COBL: variants seen among roughly 807,000 people sequenced by gnomAD.
The protein encoded by COBL is cordon-bleu WH2 repeat protein.
Under a neutral mutation model 98.8 loss-of-function variants are expected in COBL, and 51 were observed. The observed-to-expected ratio is 0.52, with a 90% CI of 0.41 to 0.65. The LOEUF (loss-of-function observed/expected upper bound fraction) is 0.65. Ranked by LOEUF, COBL falls within the 30% of genes least tolerant of loss-of-function variation. The pLI, the probability that COBL is intolerant of heterozygous loss-of-function variation, is 0.00. For missense variants in COBL, 1,617 were observed against 1,617.5 expected, an observed-to-expected ratio of 1.00 and a Z score of 0.01; for synonymous variants, 634 against 651.7, an observed-to-expected ratio of 0.97 and a Z score of 0.41.
chr7:51,214,197 C>A (rs1236478742), intron 2 of COBL, among the ~76,000 whole-genome samples: 2 of 151,854 alleles, frequency 1.3e-5, no homozygotes, highest in Non-Finnish European at 2.9e-5. Flanking sequence ...ACCTCGGAGG[C>A]AGAGGTTGCA....
At chr7:51,308,263 G>A (rs140555448) in intron 1 of COBL, among the ~76,000 whole-genome samples, 1 of 152,214 alleles carries the variant, frequency 6.6e-6, no homozygotes, top group East Asian at 1.9e-4. Flanking sequence ...TATACACTTC[G>A]GCTGCATTAA....
chr7:51,099,907 G>A (rs1030927863), intron 6 of COBL, among the ~76,000 whole-genome samples: 2 of 152,060 alleles, frequency 1.3e-5, no homozygotes, highest in Non-Finnish European at 2.9e-5. Context: ...GTTCTAACTT[G>A]TAAGACTTTT....
intron 5 of COBL, among the ~76,000 whole-genome samples, chr7:51,147,479 G>A (rs1385169891): frequency 6.6e-6 from 1 of 152,182 alleles, no homozygotes; most frequent in African/African-American, 2.4e-5. Context: ...CCTTACTGCT[G>A]TATCTGGTTT....
intron 7 of COBL, among the ~76,000 whole-genome samples, chr7:51,083,762 T>G (rs1484609784): frequency 6.6e-6 from 1 of 152,136 alleles, no homozygotes; most frequent in African/African-American, 2.4e-5. Flanking sequence ...CAAGTTTGTT[T>G]TGAAGAATGT....
intron 1 of COBL, among the ~76,000 whole-genome samples, chr7:51,228,234 C>G (rs1191875818): frequency 5.3e-5 from 8 of 152,016 alleles, no homozygotes; most frequent in Non-Finnish European, 7.4e-5. Flanking sequence ...TCCCCAAGAG[C>G]TGAACAGAGA....
At chr7:51,191,878 A>C (rs1790149412) in intron 3 of COBL, among the ~76,000 whole-genome samples, 2 of 152,170 alleles carry the variant, frequency 1.3e-5, no homozygotes, top group South Asian at 4.1e-4. Flanking sequence ...TGAACAAAAG[A>C]GCAGCAAAGG....
At chr7:51,118,480 TA>T (rs1483681419) in intron 6 of COBL, among the ~76,000 whole-genome samples, 5 of 152,034 alleles carry the variant, frequency 3.3e-5, no homozygotes, top group Admixed American at 3.3e-4. Flanking sequence ...CCTCGCATCC[TA>T]GGGGCCACCT....
intron 7 of COBL, among the ~76,000 whole-genome samples, chr7:51,076,211 G>C (rs1793058455): frequency 6.6e-6 from 1 of 152,238 alleles, no homozygotes; most frequent in African/African-American, 2.4e-5. Flanking sequence ...TGTGTCACAA[G>C]CTTTAGAACT....
At chr7:51,243,462 C>A (rs1311629782) in intron 1 of COBL, among the ~76,000 whole-genome samples, 1 of 152,174 alleles carries the variant, frequency 6.6e-6, no homozygotes, top group Non-Finnish European at 1.5e-5. Flanking sequence ...ATACTCACCA[C>A]ACAATTAAAA....
chr7:51,024,545 C>T (rs1787308605), intron 12 of COBL, among the ~76,000 whole-genome samples: 1 of 152,114 alleles, frequency 6.6e-6, no homozygotes, highest in African/African-American at 2.4e-5. Context: ...CAGACCAGCA[C>T]AAGACCAAAA....
intron 2 of COBL, among the ~76,000 whole-genome samples, chr7:51,202,589 ACAATCTTGAGCAAC>A (rs2129066718): frequency 6.6e-6 from 1 of 152,354 alleles, no homozygotes; most frequent in Non-Finnish European, 1.5e-5. Context: ...ACTACACAAC[ACAATCTTGAGCAAC>A]CACTGAGTCA....
chr7:51,247,966 C>T (rs1796396380), intron 1 of COBL, among the ~76,000 whole-genome samples: 1 of 152,040 alleles, frequency 6.6e-6, no homozygotes, highest in Non-Finnish European at 1.5e-5. Flanking sequence ...GGTGAAACCC[C>T]CGTCTCTACT....
chr7:51,129,233 A>T (rs1798509588), intron 6 of COBL, among the ~76,000 whole-genome samples: 1 of 152,080 alleles, frequency 6.6e-6, no homozygotes, highest in African/African-American at 2.4e-5. Context: ...CTGAAGTCCA[A>T]GATCATGGTG....
chr7:51,291,718 G>A (rs745556395), intron 1 of COBL, among the ~76,000 whole-genome samples: 7 of 151,346 alleles, frequency 4.6e-5, no homozygotes, highest in South Asian at 2.1e-4. Context: ...CCGAGACCAC[G>A]CCATTGCACT....
intron 1 of COBL, among the ~76,000 whole-genome samples, chr7:51,258,129 T>A (rs1370423357): frequency 1.3e-5 from 2 of 152,238 alleles, no homozygotes; most frequent in Non-Finnish European, 2.9e-5. Flanking sequence ...AAGACAGTTA[T>A]AACTGACTAC....
intron 1 of COBL, among the ~76,000 whole-genome samples, chr7:51,231,000 G>C (rs1794689516): frequency 6.6e-6 from 1 of 152,240 alleles, no homozygotes; most frequent in Admixed American, 6.5e-5. Flanking sequence ...CTTTAGGGAA[G>C]TGACTGGGAG....
Position 51,049,529 on chromosome 7 carries a change from C to T in COBL, c.1097-5837G>A, listed in dbSNP as rs28730941. ...AGAACGTGTACCCAGTTTAAACCCA[C>T]CAATGTACACAATACATTTCAGTCA... On this transcript the variant is annotated intron_variant, in intron 7 of 12. Transcript: ENST00000265136. 4.1e-3 allele frequency among the ~76,000 whole-genome samples: 621 copies of T among 152,260 alleles called. 7 individuals carry two copies. The highest frequency in any genetic ancestry group is 0.014 in the African/African-American group (593 of 41,522).
At chr7:51,260,211 TG>T (rs1797594080) in intron 1 of COBL, 1 of 673,410 alleles carries the variant, frequency 1.5e-6, no homozygotes, top group Admixed American at 2.6e-5. Flanking sequence ...CTCTACCACA[TG>T]GGGAAGATGG....
At chr7:51,208,731 G>A (rs1182780183) in intron 2 of COBL, among the ~76,000 whole-genome samples, 1 of 152,146 alleles carries the variant, frequency 6.6e-6, no homozygotes, top group East Asian at 1.9e-4. Flanking sequence ...AAATTCTTCT[G>A]CCTTGGGATC....
Sources: allele counts gnomAD v4.1 joint callset (sites outside exome capture counted in the v4.1 genomes callset), GRCh38; gene constraint gnomAD v4.1.1; transcripts MANE v1.5; gene names NCBI Gene and HGNC (gene_info 2026-07-23, HGNC 2026-07-21).